Variants in MAST2 observed in about 807,000 individuals in gnomAD.
The protein encoded by MAST2 is microtubule-associated serine/threonine-protein kinase 2.
A neutral mutation model predicts 147.4 loss-of-function variants in MAST2; 70 were observed. That is an observed-to-expected ratio of 0.47 (90% CI 0.39 to 0.58). The LOEUF is 0.58. MAST2 is among the 20% of genes least tolerant of loss of function. MAST2 has a pLI of 0.00. For missense variants in MAST2, 2,080 were observed against 2,302.3 expected, an observed-to-expected ratio of 0.90 and a Z score of 1.98; for synonymous variants, 869 against 896.8, an observed-to-expected ratio of 0.97 and a Z score of 0.55.
At chr1:46,009,640 G>T (rs1446208497) in intron 9 of MAST2, among the ~76,000 whole-genome samples, 1 of 152,156 alleles carries the variant, frequency 6.6e-6, no homozygotes, top group African/African-American at 2.4e-5. Context: ...TGTATGTTAG[G>T]TGTTTTTGTA....
chr1:46,031,662 G>T lies in MAST2; in HGVS notation c.3187+77G>T. On this transcript the variant is annotated intron_variant, in intron 24 of 28. Coordinates refer to ENST00000361297, the MANE Select transcript of MAST2 (RefSeq NM_015112.3). This position sits in a 1 kb window ranked among gnomAD's most constrained non-coding sequence, Gnocchi z 4.1. ...TCTAGGCCTTGGGAGGGTTCTGCAC[G>T]TGGCAGGTGTGTGTGTGTGTGTTAA... is the stretch of plus-strand genomic sequence containing the variant. 1 of 1,387,960 alleles carries T rather than the reference G, an allele frequency of 7.2e-7. No homozygotes were observed. Among genetic ancestry groups the T allele is most frequent in the Non-Finnish European group, 9.9e-7 (1 of 1,014,002 alleles). The allele number at this position is 1,387,960 out of a possible 1,614,324, so 86.0% of individuals were successfully genotyped here. A position where few individuals can be genotyped will look rare whatever the true frequency, so the allele number is the denominator to read the frequency against.
intron 6 of MAST2, among the ~76,000 whole-genome samples, chr1:46,002,160 C>T (rs1645299796): frequency 1.3e-5 from 2 of 152,126 alleles, no homozygotes; most frequent in South Asian, 4.1e-4. Flanking sequence ...TGGGGAGCAT[C>T]CTTTTGAGAG....
chr1:46,031,167 G>A lies in MAST2; in HGVS notation c.2869G>A (p.Gly957Ser), dbSNP rs776950012. The change falls in exon 23 of 29, where the codon GGT becomes AGT. Residue 957 changes from glycine to serine, a missense_variant. Transcript: ENST00000361297. This position sits in a 1 kb window ranked among gnomAD's most constrained non-coding sequence, Gnocchi z 4.1. ...SSTLRRQPQE[G>S]IWVLTPPSGE... is the part of the protein sequence containing the mutation. ...CACCCTCAGGAGGCAACCACAGGAG[G>A]GTATATGGGTCCTGACACCCCCATC... 1.0e-4 allele frequency: 159 copies of A among 1,596,018 alleles called. 2 individuals are homozygous for A. In the East Asian group the frequency reaches 1.4e-3, roughly 14 times the overall value.
At chr1:45,979,200 T>G (rs540145624) in intron 5 of MAST2, among the ~76,000 whole-genome samples, 2 of 152,326 alleles carry the variant, frequency 1.3e-5, no homozygotes, top group Admixed American at 1.3e-4. Flanking sequence ...ACCTAGATGG[T>G]GTTTACACAG....
intron 3 of MAST2, among the ~76,000 whole-genome samples, chr1:45,876,821 C>T (rs943349726): frequency 1.1e-4 from 16 of 152,138 alleles, no homozygotes; most frequent in South Asian, 6.2e-4. Context: ...TGGATTTCCA[C>T]GGATGCGCTT....
In MAST2 at chr1:46,031,132, A is replaced by C. The variant is rs770620895; in HGVS notation, c.2834A>C (p.Glu945Ala). Residue 945 changes from glutamate to alanine, a missense_variant, in exon 23 of 29, where the codon GAG becomes GCG. Coordinates refer to ENST00000361297, the MANE Select transcript of MAST2 (RefSeq NM_015112.3). The surrounding 1 kb of genome is among the most constrained non-coding windows in gnomAD (Gnocchi z 4.1). ...DAPRFPEGPE[E>A]ASSTLRRQPQ... ...CCTCGGTTCCCGGAGGGCCCTGAGG[A>C]GGCCAGCAGCACCCTCAGGAGGCAA... The C allele has an allele frequency of 1.9e-6, 3 of 1,609,498 alleles. No individual in the cohort carries two copies. The highest frequency in any genetic ancestry group is 1.7e-5 in the Admixed American group (1 of 59,700).
At chr1:45,805,266 G>A (rs1644107420) in intron 1 of MAST2, among the ~76,000 whole-genome samples, 1 of 152,172 alleles carries the variant, frequency 6.6e-6, no homozygotes, top group South Asian at 2.1e-4. Flanking sequence ...GGCCAGGCTG[G>A]TCTGGAACTC....
rs1645884841 is a variant in MAST2, at chr1:45,858,888, T to C, written c.469-23476T>C. Among the ~76,000 whole-genome samples, 4 of 152,332 alleles carry C rather than the reference T, an allele frequency of 2.6e-5. No homozygotes were observed. In the South Asian group the frequency reaches 8.3e-4, roughly 32 times the overall value. ...AATAGGGAATCCTTTCCCCATTGTT[T>C]TTGTCATGTTTGTCAAAGATCAGAT... On this transcript the variant is annotated intron_variant, in intron 3 of 28. Coordinates refer to ENST00000361297, the MANE Select transcript of MAST2 (RefSeq NM_015112.3).
intron 3 of MAST2, among the ~76,000 whole-genome samples, chr1:45,832,340 G>C (rs917494658): frequency 3.4e-5 from 5 of 145,876 alleles, no homozygotes; most frequent in Non-Finnish European, 7.5e-5. Context: ...TCCCTCTGTT[G>C]TCCAGTCTGG....
At position 46,006,233 on chromosome 1, in the gene MAST2, C is replaced by T; in HGVS notation, c.748-8C>T. On this transcript the variant is annotated splice_polypyrimidine_tract_variant and splice_region_variant and intron_variant, in intron 7 of 28. Transcript: ENST00000361297. Reference sequence around the variant, plus strand: ...TTTAATGCCACTTCTTAATGTTTTCCCCTCTAGTCATCATGCTCCTCACAG... The same window carrying T: ...TTTAATGCCACTTCTTAATGTTTTCTCCTCTAGTCATCATGCTCCTCACAG... 1.2e-6 allele frequency: 2 copies of T among 1,609,718 alleles called. No individual in the cohort carries two copies. The highest frequency in any genetic ancestry group is 1.7e-6 in the Non-Finnish European group (2 of 1,177,336).
intron 4 of MAST2, among the ~76,000 whole-genome samples, chr1:45,935,053 G>A (rs1016356591): frequency 3.3e-5 from 5 of 152,018 alleles, no homozygotes; most frequent in South Asian, 2.1e-4. Flanking sequence ...CTGCAGTCTC[G>A]CCAGCATCCA....
At chr1:45,807,665 C>G (rs1321734693) in intron 1 of MAST2, among the ~76,000 whole-genome samples, 1 of 152,034 alleles carries the variant, frequency 6.6e-6, no homozygotes, top group Non-Finnish European at 1.5e-5. Context: ...CTTCAGCCTC[C>G]CCAGTAGCTG....
At chr1:45,907,431 C>A (rs1650943505) in intron 4 of MAST2, among the ~76,000 whole-genome samples, 1 of 150,418 alleles carries the variant, frequency 6.6e-6, no homozygotes, top group Non-Finnish European at 1.5e-5. Context: ...AAAATTATGG[C>A]AAGGTATATA....
intron 4 of MAST2, among the ~76,000 whole-genome samples, chr1:45,931,098 A>C (rs1387414957): frequency 6.6e-6 from 1 of 152,206 alleles, no homozygotes; most frequent in Non-Finnish European, 1.5e-5. Context: ...AGTTTAATTC[A>C]TATTTCACCA....
intron 1 of MAST2, among the ~76,000 whole-genome samples, chr1:45,820,815 T>C (rs1050665748): frequency 6.8e-6 from 1 of 146,818 alleles, no homozygotes; most frequent in African/African-American, 2.5e-5. Flanking sequence ...ACATATGTAG[T>C]GGTGATGGAC....
intron 7 of MAST2, among the ~76,000 whole-genome samples, chr1:46,003,849 C>T (rs1003095066): frequency 1.2e-4 from 19 of 152,264 alleles, no homozygotes; most frequent in Non-Finnish European, 2.1e-4. Flanking sequence ...ATGTTTTAGT[C>T]TTTGAAGGCC....
intron 7 of MAST2, among the ~76,000 whole-genome samples, chr1:46,003,766 C>A (rs1180194193): frequency 6.6e-6 from 1 of 152,130 alleles, no homozygotes; most frequent in Non-Finnish European, 1.5e-5. Context: ...CACACCCAGC[C>A]GAGCAACTTT....
At chr1:45,878,632 TTAA>T (rs1413438621) in intron 3 of MAST2, among the ~76,000 whole-genome samples, 4 of 152,250 alleles carry the variant, frequency 2.6e-5, no homozygotes, top group Middle Eastern at 3.4e-3. Flanking sequence ...ACATTTATGA[TTAA>T]TAATAATTTT....
intron 3 of MAST2, among the ~76,000 whole-genome samples, chr1:45,874,303 C>T (rs1425807838): frequency 2.6e-5 from 4 of 152,162 alleles, no homozygotes; most frequent in Admixed American, 6.5e-5. Context: ...ATAATCCCAG[C>T]GCTTTGGGAG....
Sources: gnomAD v4.1 joint callset for allele counts (sites outside exome capture counted in the v4.1 genomes callset) on GRCh38, gnomAD v4.1.1 for gene constraint, Gnocchi (gnomAD v3.1) non-coding constraint, MANE v1.5 for transcripts, NCBI Gene and HGNC (gene_info 2026-07-23, HGNC 2026-07-21) for gene names.